The following ASTE1 variants were observed in gnomAD, a reference collection of about 807,000 sequenced individuals.
ASTE1 encodes single-strand DNA endonuclease ASTE1.
ASTE1 carries 49 observed loss-of-function variants against 45.8 expected under a neutral mutation model. The observed-to-expected ratio is 1.07, with a 90% CI of 0.85 to 1.36. The LOEUF is 1.36. Ranked by LOEUF, ASTE1 falls within the 40% of genes most tolerant of loss-of-function variation. The pLI is 0.00. For missense variants in ASTE1, 709 were observed against 804.0 expected, an observed-to-expected ratio of 0.88 and a Z score of 1.43; for synonymous variants, 296 against 303.9, an observed-to-expected ratio of 0.97 and a Z score of 0.27.
chr3:131,016,437 T>A, intron 4 of ASTE1, 98 bp from the exon 5 acceptor site: 1 of 1,359,260 alleles, frequency 7.4e-7, no homozygotes, highest in Non-Finnish European at 1.0e-6. Context: ...AGAAAGAAAT[T>A]AATTTAAAAA....
intron 3 of ASTE1, among the ~76,000 whole-genome samples, chr3:131,023,585 C>T (rs947962898): frequency 6.6e-6 from 1 of 152,160 alleles, no homozygotes; most frequent in Non-Finnish European, 1.5e-5. Context: ...CTAACCTTAT[C>T]TGAAATCCGA....
chr3:131,025,014 T>C lies in ASTE1; in HGVS notation c.293A>G (p.Glu98Gly), dbSNP rs2063797851. The change falls in exon 3 of 6, where the codon GAG (glutamate) becomes GGG (glycine). Residue 98 changes from glutamate to glycine, a missense_variant. Transcript: ENST00000264992. ...AAGGGAATGGGCCATCTGGATCTTC[T>C]CTCTAGCTCTATCCTTTAAAGTTGT... The part of the protein sequence containing the change: ...KLTTLKDRAR[E>G]KIQMAHSLSV... The C allele has an allele frequency of 6.3e-7, 1 of 1,597,648 alleles. No individual in the cohort carries two copies. The highest frequency in any genetic ancestry group is 8.5e-7 in the Non-Finnish European group (1 of 1,171,446).
At position 131,024,021 on chromosome 3, in the gene ASTE1, A is replaced by C; in HGVS notation, c.1286T>G (p.Leu429Ter). The stretch of plus-strand genomic sequence containing the variant: ...AATACTTACCTCAGTCAATCTGCTT[A>C]AGTCAGAATGATCCTTGGCCAGTTC... ...AVELAKDHSD[L>*]SRLTELSLRR... Residue 429 changes from leucine to a stop codon, truncating the protein, a stop_gained, in exon 3 of 6, where the codon TTA becomes TGA. Coordinates refer to ENST00000264992, the MANE Select transcript of ASTE1 (RefSeq NM_014065.4). LOFTEE classifies it high-confidence loss of function. The C allele has an allele frequency of 6.2e-7, 1 of 1,600,848 alleles. No individual in the cohort carries two copies. The highest frequency in any genetic ancestry group is 8.5e-7 in the Non-Finnish European group (1 of 1,171,658).
intron 4 of ASTE1, 73 bp downstream of exon 4, chr3:131,018,433 G>A: frequency 7.0e-7 from 1 of 1,424,554 alleles, no homozygotes; most frequent in South Asian, 1.2e-5. Flanking sequence ...ATACTTTTTT[G>A]TTTGTGTAAA....
Position 131,024,421 on chromosome 3 carries a change from T to A in ASTE1, c.886A>T (p.Met296Leu). 3 of 1,614,232 alleles carry A rather than the reference T, an allele frequency of 1.9e-6. No individual in the cohort carries two copies. The highest frequency in any genetic ancestry group is 2.5e-6 in the Non-Finnish European group (3 of 1,180,038). Reference protein sequence around the residue: ...ENVKELLCCSMEEYQQSQVKL... With the variant: ...ENVKELLCCSLEEYQQSQVKL... Reference sequence around the variant, plus strand: ...ACCTGGGACTGTTGGTATTCTTCCATGGAACAGCAGAGAAGTTCCTTAACA... The same window carrying A: ...ACCTGGGACTGTTGGTATTCTTCCAAGGAACAGCAGAGAAGTTCCTTAACA... Residue 296 changes from methionine (M) to leucine (L), a missense_variant, in exon 3 of 6, where the codon ATG (methionine) becomes TTG (leucine). Coordinates refer to ENST00000264992, the MANE Select transcript of ASTE1 (RefSeq NM_014065.4).
chr3:131,023,693 T>C (rs2063772109), intron 3 of ASTE1, among the ~76,000 whole-genome samples: 1 of 152,168 alleles, frequency 6.6e-6, no homozygotes, highest in African/African-American at 2.4e-5. Context: ...ACCCATTCTA[T>C]TGATAGCTAG....
chr3:131,025,008 A>G lies in ASTE1; in HGVS notation c.299T>C (p.Ile100Thr). The part of the protein sequence containing the change: ...TTLKDRAREK[I>T]QMAHSLSVGG... ...AACAGAAAGGGAATGGGCCATCTGG[A>G]TCTTCTCTCTAGCTCTATCCTTTAA... The change falls in exon 3 of 6, where the codon ATC becomes ACC. Residue 100 changes from isoleucine (I) to threonine (T), a missense_variant. Ile to Thr is a moderately conservative substitution (Grantham distance 89). Coordinates refer to ENST00000264992, the MANE Select transcript of ASTE1 (RefSeq NM_014065.4). 2 of 1,599,070 alleles carry G rather than the reference A, an allele frequency of 1.3e-6. No homozygotes were observed. Among genetic ancestry groups the G allele is most frequent in the South Asian group, 1.1e-5 (1 of 88,548 alleles).
At chr3:131,015,937 T>G in intron 5 of ASTE1, 1 of 723,538 alleles carries the variant, frequency 1.4e-6, no homozygotes, top group Non-Finnish European at 2.4e-6. Context: ...CATGGAAACA[T>G]TCTTTGAGAA....
intron 3 of ASTE1, among the ~76,000 whole-genome samples, chr3:131,022,324 T>G (rs2063752696): frequency 6.6e-6 from 1 of 152,100 alleles, no homozygotes; most frequent in East Asian, 1.9e-4. Flanking sequence ...GTCATCCTTT[T>G]AAAGCATACA....
chr3:131,024,267 A>T lies in ASTE1; in HGVS notation c.1040T>A (p.Val347Asp), dbSNP rs1443074102. ...QLSPFISDAL[V>D]LRRTILPTQV... ...TGTGGGAAGAATGGTCCGTCTTAGG[A>T]CCAAAGCATCACTGATGAAAGGAGA... Residue 347 changes from valine to aspartate, a missense_variant, in exon 3 of 6, where the codon GTC (valine) becomes GAC (aspartate). By Grantham distance (152) the Val-to-Asp change is radical. Coordinates refer to ENST00000264992, the MANE Select transcript of ASTE1 (RefSeq NM_014065.4). 6.2e-7 allele frequency: 1 copy of T among 1,614,216 alleles called. No homozygotes were observed. Among genetic ancestry groups the T allele is most frequent in the Non-Finnish European group, 8.5e-7 (1 of 1,180,046 alleles).
chr3:131,018,759 T>A, intron 3 of ASTE1, 43 bp from the exon 4 acceptor site: 1 of 1,584,624 alleles, frequency 6.3e-7, no homozygotes, highest in Non-Finnish European at 8.6e-7. Flanking sequence ...CTTTGGGAAA[T>A]GTCTGTTATT....
chr3:131,015,552 A>G (rs747938670), intron 5 of ASTE1, among the ~76,000 whole-genome samples: 3 of 152,154 alleles, frequency 2.0e-5, no homozygotes, highest in Admixed American at 6.6e-5. Flanking sequence ...TTGCCTGGTA[A>G]AGCAAACATC....
intron 5 of ASTE1, 60 bp downstream of exon 5, chr3:131,016,084 A>G (rs771329544): frequency 1.3e-6 from 2 of 1,568,248 alleles, no homozygotes; most frequent in Admixed American, 3.5e-5. Context: ...AATATAAGTG[A>G]AAATACTGTA....
chr3:131,016,430 AAG>A (rs2063637664), intron 4 of ASTE1, 91 bp from the exon 5 acceptor site: 2 of 1,400,582 alleles, frequency 1.4e-6, no homozygotes, highest in Non-Finnish European at 9.9e-7. Flanking sequence ...TCTATAAAGA[AAG>A]AAATTAATTT....
At chr3:131,018,765 T>C (rs938073561) in intron 3 of ASTE1, 49 bp from the exon 4 acceptor site, 1 of 1,570,096 alleles carries the variant, frequency 6.4e-7, no homozygotes, top group African/African-American at 1.4e-5. Context: ...GAAATGTCTG[T>C]TATTTCTTTT....
At chr3:131,020,119 T>C (rs2038669) in intron 3 of ASTE1, among the ~76,000 whole-genome samples, 27,460 of 152,226 alleles carry the variant, frequency 0.18, 2,623 homozygotes, top group South Asian at 0.22. Context: ...GGGCTTTGAC[T>C]TCAGAGATGT....
rs767134461 is a variant in ASTE1, at chr3:131,014,067, T to A, written c.2030A>T (p.Asn677Ile). Residue 677 changes from asparagine to isoleucine, a missense_variant, in exon 6 of 6, where the codon AAC becomes ATC. Coordinates refer to ENST00000264992, the MANE Select transcript of ASTE1 (RefSeq NM_014065.4). ...GATGCAAACTGAGTTTTATTCAATG[T>A]TGGAGGCCTCACTATGTTCCTCTAA... Reference protein sequence around the residue: ...ENLEEHSEASNIE With the variant: ...ENLEEHSEASIIE The A allele has an allele frequency of 6.3e-7, 1 of 1,582,016 alleles. No individual in the cohort carries two copies. The highest frequency in any genetic ancestry group is 2.2e-5 in the East Asian group (1 of 44,736).
rs1379858415 is a variant in ASTE1, at chr3:131,024,709, G to C, written c.598C>G (p.Leu200Val). 6.2e-7 allele frequency: 1 copy of C among 1,602,888 alleles called. No homozygotes were observed. Among genetic ancestry groups the C allele is most frequent in the Non-Finnish European group, 8.5e-7 (1 of 1,174,460 alleles). The change falls in exon 3 of 6, where the codon CTT (leucine) becomes GTT (valine). Residue 200 changes from leucine to valine, a missense_variant. By Grantham distance (32) the Leu-to-Val change is conservative. Transcript: ENST00000264992. ...CTGAAGTGATGGCAGAATGCATCAA[G>C]GGAAAAGCATTTGGCAGGGATATAG... ...QNYIPAKCFSLDAFCHHFSNM... is the reference protein window; with the variant it reads ...QNYIPAKCFSVDAFCHHFSNM...
At chr3:131,016,932 G>C in intron 4 of ASTE1, 1 of 1,164,102 alleles carries the variant, frequency 8.6e-7, no homozygotes, top group South Asian at 1.3e-5. Flanking sequence ...ATTTGTTTGG[G>C]CAGGGGTGCA....
Sources: gnomAD v4.1 joint callset for allele counts (sites outside exome capture counted in the v4.1 genomes callset) on GRCh38, gnomAD v4.1.1 for gene constraint, MANE v1.5 for transcripts, NCBI Gene and HGNC (gene_info 2026-07-23, HGNC 2026-07-21) for gene names.